Variants in IL1RAPL1 observed in about 807,000 individuals in gnomAD.
IL1RAPL1 encodes interleukin-1 receptor accessory protein-like 1.
Under a neutral mutation model 48.4 loss-of-function variants are expected in IL1RAPL1, and 3 were observed. That is an observed-to-expected ratio of 0.06 (90% CI 0.03 to 0.16). The LOEUF (loss-of-function observed/expected upper bound fraction) is 0.16, where lower values mean the gene tolerates loss of function less well. Among genes scored for constraint, IL1RAPL1 ranks in the 10% least tolerant of loss-of-function variants. The pLI is 1.00. For missense variants in IL1RAPL1, 349 were observed against 530.6 expected (o/e 0.66, Z 3.36); for synonymous variants, 185 against 187.7 (o/e 0.99, Z 0.12).
At chrX:29,410,102 G>A (rs983751185) in intron 5 of IL1RAPL1, among the ~76,000 whole-genome samples, 2 of 110,686 alleles carry the variant, frequency 1.8e-5, no homozygotes, top group African/African-American at 3.3e-5. Context: ...GATTACAGGC[G>A]TGAGCCACTG....
chrX:29,796,424 C>A (rs977736603), intron 6 of IL1RAPL1, among the ~76,000 whole-genome samples: 1 of 111,674 alleles, frequency 9.0e-6, no homozygotes, highest in Non-Finnish European at 1.9e-5. Context: ...GTTTCTTGCC[C>A]AGCCCATTCT....
At chrX:28,701,758 C>A (rs895499466) in intron 1 of IL1RAPL1, among the ~76,000 whole-genome samples, 3 of 110,983 alleles carry the variant, frequency 2.7e-5, no homozygotes, top group Non-Finnish European at 5.7e-5. Flanking sequence ...AAGATCAGAA[C>A]CATGTGTCAA....
chrX:29,774,022 G>A (rs1191637647), intron 6 of IL1RAPL1, among the ~76,000 whole-genome samples: 6 of 110,557 alleles, frequency 5.4e-5, no homozygotes, highest in East Asian at 2.8e-4. Flanking sequence ...TTATAACAGT[G>A]TAGTTATGTA....
intron 3 of IL1RAPL1, among the ~76,000 whole-genome samples, chrX:29,291,759 G>A (rs1932375058): frequency 8.9e-6 from 1 of 112,117 alleles, no homozygotes; most frequent in Admixed American, 9.5e-5. Flanking sequence ...ATCCCTTTTG[G>A]TATAAGGTAG....
intron 6 of IL1RAPL1, among the ~76,000 whole-genome samples, chrX:29,786,745 G>A (rs759073763): frequency 7.2e-5 from 8 of 111,400 alleles, no homozygotes; most frequent in Non-Finnish European, 1.5e-4. Flanking sequence ...TTGACTCATC[G>A]AGGTGGCAGT....
intron 2 of IL1RAPL1, among the ~76,000 whole-genome samples, chrX:28,896,310 T>C (rs1272246520): frequency 9.0e-6 from 1 of 111,651 alleles, no homozygotes; most frequent in Non-Finnish European, 1.9e-5. Context: ...AGGAGCGGAT[T>C]GGGTAATAAA....
Position 29,925,078 on chromosome X carries a change from T to C in IL1RAPL1, c.1057+4984T>C, listed in dbSNP as rs1444871258. On this transcript the variant is annotated intron_variant, in intron 8 of 10. Transcript: ENST00000378993. ...TTTACTGAGAGTTACAGTAAGGTCATAAAACGGTGCAAACTTCTTTTGGGG... is the reference window on the plus strand; with the variant it reads ...TTTACTGAGAGTTACAGTAAGGTCACAAAACGGTGCAAACTTCTTTTGGGG... Among the ~76,000 whole-genome samples, 3 of 111,471 alleles carry C rather than the reference T, an allele frequency of 2.7e-5. No homozygotes were observed. In the East Asian group the frequency reaches 8.4e-4, roughly 31 times the overall value.
chrX:28,810,204 G>C (rs1936777902), intron 2 of IL1RAPL1, among the ~76,000 whole-genome samples: 1 of 110,291 alleles, frequency 9.1e-6, no homozygotes, highest in African/African-American at 3.3e-5. Context: ...AGGAGCCATT[G>C]GCATGTAAAT....
intron 6 of IL1RAPL1, among the ~76,000 whole-genome samples, chrX:29,682,423 G>C (rs1926481978): frequency 9.0e-6 from 1 of 110,639 alleles, no homozygotes; most frequent in Non-Finnish European, 1.9e-5. Flanking sequence ...TTTTTCCCTT[G>C]TGCCTATCTA....
intron 5 of IL1RAPL1, among the ~76,000 whole-genome samples, chrX:29,540,322 G>A (rs1921395159): frequency 9.0e-6 from 1 of 111,076 alleles, no homozygotes; most frequent in Admixed American, 9.6e-5. Context: ...TCATGGGTTG[G>A]AATAGTCAAT....
intron 6 of IL1RAPL1, among the ~76,000 whole-genome samples, chrX:29,906,543 G>T (rs1244493820): frequency 2.6e-5 from 2 of 75,867 alleles, no homozygotes; most frequent in African/African-American, 9.7e-5. Flanking sequence ...TGGTTGGGTT[G>T]CCAGTGACCC....
intron 5 of IL1RAPL1, among the ~76,000 whole-genome samples, chrX:29,585,824 A>G (rs192974347): frequency 1.2e-4 from 14 of 112,186 alleles, no homozygotes; most frequent in Admixed American, 7.5e-4. Flanking sequence ...TTCTTTAAAC[A>G]TCTGTTCAAG....
At chrX:29,230,529 A>AAAAAAAAAAAC in intron 2 of IL1RAPL1, among the ~76,000 whole-genome samples, 2 of 98,652 alleles carry the variant, frequency 2.0e-5, no homozygotes, top group African/African-American at 7.6e-5. Context: ...AAAAAAAAAA[A>AAAAAAAAAAAC]AAAAAACCTT....
chrX:28,638,827 C>T (rs1379420679), intron 1 of IL1RAPL1, among the ~76,000 whole-genome samples: 2 of 111,098 alleles, frequency 1.8e-5, no homozygotes, highest in Non-Finnish European at 3.8e-5. Context: ...GTTTATCTAA[C>T]ATGCACACTA....
intron 2 of IL1RAPL1, among the ~76,000 whole-genome samples, chrX:29,051,641 C>T (rs1302873693): frequency 8.9e-6 from 1 of 112,062 alleles, no homozygotes; most frequent in Non-Finnish European, 1.9e-5. Flanking sequence ...CCTTTTGCTG[C>T]TTTCCAACTC....
At chrX:29,483,755 G>T (rs1053215285) in intron 5 of IL1RAPL1, among the ~76,000 whole-genome samples, 1 of 108,455 alleles carries the variant, frequency 9.2e-6, no homozygotes, top group Non-Finnish European at 1.9e-5. Context: ...GCAGTGGCAC[G>T]ATCTCAGCTC....
chrX:29,581,353 G>A (rs1207535692), intron 5 of IL1RAPL1, among the ~76,000 whole-genome samples: 1 of 111,980 alleles, frequency 8.9e-6, no homozygotes, highest in Non-Finnish European at 1.9e-5. Flanking sequence ...CAATTCAGAT[G>A]TGTCAAGTGG....
chrX:28,865,034 T>C (rs141722444), intron 2 of IL1RAPL1, among the ~76,000 whole-genome samples: 1,566 of 111,667 alleles, frequency 0.014, 65 homozygotes, highest in Admixed American at 0.12. Context: ...GAGTTGAATG[T>C]AGAGTGTTGG....
intron 9 of IL1RAPL1, among the ~76,000 whole-genome samples, chrX:29,943,834 C>A (rs1933174500): frequency 8.9e-6 from 1 of 111,922 alleles, no homozygotes; most frequent in Non-Finnish European, 1.9e-5. Flanking sequence ...TTTAGTGGGT[C>A]CTGCTAATTG....
Sources: allele counts gnomAD v4.1 joint callset (sites outside exome capture counted in the v4.1 genomes callset), GRCh38; gene constraint gnomAD v4.1.1; transcripts MANE v1.5; gene names NCBI Gene and HGNC (gene_info 2026-07-23, HGNC 2026-07-21).